The following PIK3C2G variants were observed in gnomAD, a reference collection of about 807,000 sequenced individuals.
PIK3C2G encodes phosphatidylinositol 3-kinase C2 domain-containing subunit gamma.
Under a neutral mutation model 181.1 loss-of-function variants are expected in PIK3C2G, and 168 were observed. The ratio of observed to expected loss-of-function variants is 0.93; its 90% confidence interval spans 0.82 to 1.05. The LOEUF (loss-of-function observed/expected upper bound fraction) is 1.05. PIK3C2G is among the 50% of genes least tolerant of loss of function. The pLI is 0.00. For missense variants in PIK3C2G, 1,869 were observed against 1,732.8 expected, an observed-to-expected ratio of 1.08 and a Z score of -1.40; for synonymous variants, 573 against 592.2, an observed-to-expected ratio of 0.97 and a Z score of 0.47.
At chr12:18,339,061 CTG>C (rs938521114) in intron 9 of PIK3C2G, among the ~76,000 whole-genome samples, 2 of 152,000 alleles carry the variant, frequency 1.3e-5, no homozygotes, top group African/African-American at 4.8e-5. Flanking sequence ...TCCATGATTT[CTG>C]TGTGACTTTC....
At chr12:18,446,487 T>C (rs925227037) in intron 18 of PIK3C2G, among the ~76,000 whole-genome samples, 3 of 152,158 alleles carry the variant, frequency 2.0e-5, no homozygotes, top group Non-Finnish European at 4.4e-5. Flanking sequence ...GTCCCACACC[T>C]CAGGCCTCAG....
At chr12:18,371,364 AG>A in intron 13 of PIK3C2G, 53 bp downstream of exon 13, 1 of 1,464,722 alleles carries the variant, frequency 6.8e-7, no homozygotes, top group Non-Finnish European at 9.3e-7. Flanking sequence ...AAACATTCCT[AG>A]AAGTAAATAT....
rs183012585 is a variant in PIK3C2G at position 18,371,282 on chromosome 12, G to A, written c.1851G>A (p.Ala617=). 2.2e-5 allele frequency: 35 copies of A among 1,611,190 alleles called. No individual in the cohort carries two copies. The highest frequency in any genetic ancestry group is 2.1e-4 in the African/African-American group (16 of 74,976). The change falls in exon 13 of 33, where the codon GCG becomes GCA. Residue 617 remains alanine (A), a synonymous_variant. Coordinates refer to ENST00000538779, the MANE Select transcript of PIK3C2G (RefSeq NM_001288772.2). ...CAACCAACAATGCAAATTTACTGGCGTGGACTTGTCTTCCACTGTTTCCAA... is the reference window on the plus strand; with the variant it reads ...CAACCAACAATGCAAATTTACTGGCATGGACTTGTCTTCCACTGTTTCCAA... The part of the protein sequence containing the change: ...ACATNNANLL[A]WTCLPLFPKE...
upstream of PIK3C2G, among the ~76,000 whole-genome samples, chr12:18,260,118 C>G (rs758110256): frequency 6.6e-6 from 1 of 151,864 alleles, no homozygotes; most frequent in Non-Finnish European, 1.5e-5. Flanking sequence ...TGAGTTTTAT[C>G]AAGATTAGAT....
At chr12:18,678,451 G>C in the PIK3C2G span, among the ~76,000 whole-genome samples, 1 of 151,896 alleles carries the variant, frequency 6.6e-6, no homozygotes, top group Non-Finnish European at 1.5e-5. Context: ...CATGATAATT[G>C]AGATAAACAC....
At chr12:18,677,351 C>T in the PIK3C2G span, among the ~76,000 whole-genome samples, 4 of 152,052 alleles carry the variant, frequency 2.6e-5, no homozygotes, top group East Asian at 1.9e-4. Flanking sequence ...GCAATCAAAC[C>T]GGTAATGAAT....
At chr12:18,675,744 C>A in the PIK3C2G span, among the ~76,000 whole-genome samples, 1 of 151,918 alleles carries the variant, frequency 6.6e-6, no homozygotes, top group African/African-American at 2.4e-5. Context: ...GAGCTGGAGT[C>A]CATTATTTTA....
the PIK3C2G span, among the ~76,000 whole-genome samples, chr12:18,714,051 G>A: frequency 1.3e-5 from 2 of 152,116 alleles, no homozygotes; most frequent in South Asian, 2.1e-4. Context: ...AGCAAATAGG[G>A]ATGTCTCAAA....
chr12:18,720,191 T>C, the PIK3C2G span, among the ~76,000 whole-genome samples: 1 of 152,136 alleles, frequency 6.6e-6, no homozygotes, highest in East Asian at 1.9e-4. Context: ...GTTATAGTTA[T>C]ACATTGCTCA....
rs1489451632 is a variant in PIK3C2G at position 18,292,221 on chromosome 12, A to ACAAAC, written c.919+1209_919+1210insCAAAC. 6.3e-5 allele frequency among the ~76,000 whole-genome samples: 5 copies of ACAAAC among 78,796 alleles called. 1 individual carries two copies. Among genetic ancestry groups the ACAAAC allele is most frequent in the African/African-American group, 3.1e-4 (5 of 16,132 alleles). The allele number at this position is 78,796 out of a possible 152,430, so 51.7% of individuals were successfully genotyped here. On this transcript the variant is annotated intron_variant, in intron 4 of 32. Transcript: ENST00000538779. Reference sequence around the variant, plus strand: ...GCAAAACTCCATCTCAAAAAAAAAAAAAAAAAATATATATATATATATATA... The same window carrying ACAAAC: ...GCAAAACTCCATCTCAAAAAAAAAAACAAACAAAAAAATATATATATATATATATA...
At chr12:18,552,608 AC>A (rs1754451869) in intron 26 of PIK3C2G, among the ~76,000 whole-genome samples, 1 of 152,146 alleles carries the variant, frequency 6.6e-6, no homozygotes, top group Non-Finnish European at 1.5e-5. Context: ...GTAAATTAAA[AC>A]AAGTAGAAAT....
At chr12:18,655,447 G>A in the PIK3C2G span, among the ~76,000 whole-genome samples, 7 of 152,242 alleles carry the variant, frequency 4.6e-5, no homozygotes, top group South Asian at 2.1e-4. Context: ...CAAAATCCAC[G>A]CAGAATTCCT....
intron 13 of PIK3C2G, 118 bp downstream of exon 13, chr12:18,371,429 A>T: frequency 2.5e-6 from 2 of 809,370 alleles, no homozygotes; most frequent in Non-Finnish European, 3.6e-6. Context: ...TAAAATTGAC[A>T]TAGTTCAATA....
intron 30 of PIK3C2G, 42 bp from the exon 31 acceptor site, chr12:18,609,493 C>CT: frequency 8.4e-7 from 1 of 1,193,168 alleles, no homozygotes; most frequent in Non-Finnish European, 1.2e-6. Context: ...CTGTGCTGAG[C>CT]TTTTTCCAAC....
chr12:18,505,343 A>G lies in PIK3C2G; in HGVS notation c.3205A>G (p.Ile1069Val), dbSNP rs554223749. ...SCAGWCVVTF[I>V]LGVCDRHNDN... ...TGCTGGCTGGTGTGTGGTAACATTC[A>G]TCCTGGGAGTATGTGACCGTCACAA... is the stretch of plus-strand genomic sequence containing the variant. Residue 1069 changes from isoleucine (I) to valine (V), a missense_variant, in exon 24 of 33, where the codon ATC (isoleucine) becomes GTC (valine). By Grantham distance (29) the Ile-to-Val change is conservative. Coordinates refer to ENST00000538779, the MANE Select transcript of PIK3C2G (RefSeq NM_001288772.2). 6.2e-7 allele frequency: 1 copy of G among 1,612,944 alleles called. No homozygotes were observed. The highest frequency in any genetic ancestry group is 2.2e-5 in the East Asian group (1 of 44,868).
At chr12:18,346,900 T>C (rs1394849389) in intron 11 of PIK3C2G, 64 bp downstream of exon 11, 4 of 1,081,040 alleles carry the variant, frequency 3.7e-6, no homozygotes, top group African/African-American at 1.6e-5. Context: ...TAGAATGCAA[T>C]TTGTCATGTT....
chr12:18,647,913 T>C lies in PIK3C2G; in HGVS notation c.4346T>C (p.Val1449Ala), dbSNP rs778955705. The C allele has an allele frequency of 1.3e-6, 2 of 1,596,396 alleles. No individual in the cohort carries two copies. The highest frequency in any genetic ancestry group is 1.7e-6 in the Non-Finnish European group (2 of 1,169,044). ...YDEVTELQGH[V>A]LMLIVKSKTV... ...GAAGTCACAGAGCTCCAAGGACATG[T>C]CTTAATGCTTATTGTGAAGAGTAAA... Residue 1449 changes from valine (V) to alanine (A), a missense_variant, in exon 33 of 33, where the codon GTC (valine) becomes GCC (alanine). Coordinates refer to ENST00000538779, the MANE Select transcript of PIK3C2G (RefSeq NM_001288772.2).
At chr12:18,602,996 A>G (rs1246950931) in intron 30 of PIK3C2G, among the ~76,000 whole-genome samples, 1 of 152,188 alleles carries the variant, frequency 6.6e-6, no homozygotes, top group Non-Finnish European at 1.5e-5. Flanking sequence ...ACACTAGTTC[A>G]CCAGCAATGG....
In PIK3C2G at chr12:18,553,505, T is replaced by C. The variant is rs552317335; in HGVS notation, c.3590+7073T>C. 2.0e-5 allele frequency among the ~76,000 whole-genome samples: 3 copies of C among 152,194 alleles called. No individual in the cohort carries two copies. In the East Asian group the frequency reaches 5.8e-4, roughly 29 times the overall value. On this transcript the variant is annotated intron_variant, in intron 26 of 32. Transcript: ENST00000538779. ...GCCAAGTCCACAGAGCCTAAAACTCTTGTTTGAATGCAGTTTGGTGCCTGT... is the reference window on the plus strand; with the variant it reads ...GCCAAGTCCACAGAGCCTAAAACTCCTGTTTGAATGCAGTTTGGTGCCTGT...
Sources: allele counts gnomAD v4.1 joint callset (sites outside exome capture counted in the v4.1 genomes callset), GRCh38; gene constraint gnomAD v4.1.1; transcripts MANE v1.5; gene names NCBI Gene and HGNC (gene_info 2026-07-23, HGNC 2026-07-21).